GPHN: variants seen among roughly 807,000 people sequenced by gnomAD.
The protein encoded by GPHN is gephyrin.
GPHN carries 17 observed loss-of-function variants against 95.5 expected under a neutral mutation model. The observed-to-expected ratio is 0.18, with a 90% CI of 0.12 to 0.27. The LOEUF (loss-of-function observed/expected upper bound fraction) is 0.27, where lower values mean the gene tolerates loss of function less well. GPHN is among the 10% of genes least tolerant of loss of function. The probability of loss-of-function intolerance (pLI) is 1.00; values close to 1 mark genes in which losing one functional copy is unlikely to be tolerated. For synonymous variants in GPHN, 320 were observed against 322.5 expected, an observed-to-expected ratio of 0.99 and a Z score of 0.08; for missense variants, 660 against 978.1, an observed-to-expected ratio of 0.67 and a Z score of 4.34.
the GPHN span, among the ~76,000 whole-genome samples, chr14:67,596,904 TC>T: frequency 1.3e-5 from 2 of 152,246 alleles, no homozygotes; most frequent in African/African-American, 4.8e-5. Context: ...AAGTCTCTTT[TC>T]CCCTACTGTA....
At chr14:67,504,779 G>A in the GPHN span, among the ~76,000 whole-genome samples, 1 of 152,074 alleles carries the variant, frequency 6.6e-6, no homozygotes, top group Non-Finnish European at 1.5e-5. Flanking sequence ...CAGCTACTCG[G>A]GAGTCTGAGG....
At chr14:67,722,176 G>A in the GPHN span, among the ~76,000 whole-genome samples, 4 of 152,140 alleles carry the variant, frequency 2.6e-5, no homozygotes, top group African/African-American at 7.2e-5. Context: ...TCTTCTGGGA[G>A]TTTCCTTCCC....
chr14:67,170,059 CAA>C (rs547684233), intron 21 of GPHN, among the ~76,000 whole-genome samples: 96 of 152,182 alleles, frequency 6.3e-4, no homozygotes, highest in African/African-American at 1.7e-3. Flanking sequence ...GCCTGGGAAA[CAA>C]GAGCAAAACT....
chr14:66,873,066 C>T (rs2063509563), intron 4 of GPHN, among the ~76,000 whole-genome samples: 1 of 152,192 alleles, frequency 6.6e-6, no homozygotes, highest in African/African-American at 2.4e-5. Flanking sequence ...GCTGCATTTT[C>T]AACTAGGTAC....
At chr14:67,101,275 A>T (rs1157186219) in intron 13 of GPHN, among the ~76,000 whole-genome samples, 1 of 152,072 alleles carries the variant, frequency 6.6e-6, no homozygotes, top group Non-Finnish European at 1.5e-5. Context: ...GGGGAAACTT[A>T]GAAGTAGATT....
chr14:67,091,868 TA>T (rs1338398209), intron 12 of GPHN, among the ~76,000 whole-genome samples: 4 of 151,890 alleles, frequency 2.6e-5, no homozygotes, highest in African/African-American at 9.7e-5. Flanking sequence ...AAAAAAAATC[TA>T]AAATGGTATC....
At chr14:66,897,804 G>T (rs1209587405) in intron 5 of GPHN, among the ~76,000 whole-genome samples, 7 of 152,058 alleles carry the variant, frequency 4.6e-5, no homozygotes, top group African/African-American at 1.7e-4. Context: ...GCGGTATCTA[G>T]GTTCCATGGC....
At chr14:67,128,801 G>A (rs369817118) in intron 17 of GPHN, among the ~76,000 whole-genome samples, 5 of 151,646 alleles carry the variant, frequency 3.3e-5, no homozygotes, top group African/African-American at 7.3e-5. Flanking sequence ...CGGGCGTGGC[G>A]GTGGGCGCTT....
intron 17 of GPHN, among the ~76,000 whole-genome samples, chr14:67,138,747 C>G (rs1175647579): frequency 1.3e-5 from 2 of 151,896 alleles, no homozygotes; most frequent in African/African-American, 4.8e-5. Context: ...TATGGTTAAC[C>G]AAAATCATAG....
At chr14:67,330,234 CTCT>C in the GPHN span, among the ~76,000 whole-genome samples, 1 of 150,932 alleles carries the variant, frequency 6.6e-6, no homozygotes, top group East Asian at 1.9e-4. Flanking sequence ...TCTTTATTGT[CTCT>C]TTTCTATTTA....
At chr14:67,100,047 AT>A (rs1156955913) in intron 12 of GPHN, among the ~76,000 whole-genome samples, 1 of 151,978 alleles carries the variant, frequency 6.6e-6, no homozygotes, top group Non-Finnish European at 1.5e-5. Context: ...TACTGTACAT[AT>A]TTTTTAATAA....
chr14:67,163,308 AAAAT>A (rs1034701996), intron 19 of GPHN, among the ~76,000 whole-genome samples: 17 of 152,036 alleles, frequency 1.1e-4, no homozygotes, highest in African/African-American at 4.1e-4. Context: ...CTTGTCTCAA[AAAAT>A]AAATAAATAA....
the GPHN span, among the ~76,000 whole-genome samples, chr14:67,568,014 AT>A: frequency 6.6e-6 from 1 of 152,198 alleles, no homozygotes; most frequent in Admixed American, 6.5e-5. Flanking sequence ...CAGGACGGGC[AT>A]TCTCCCAGTG....
chr14:67,354,960 T>C, the GPHN span, among the ~76,000 whole-genome samples: 1 of 152,074 alleles, frequency 6.6e-6, no homozygotes, highest in Admixed American at 6.6e-5. Flanking sequence ...ATTACAGGCA[T>C]GCGTCACCAT....
chr14:67,264,755 A>G, the GPHN span, among the ~76,000 whole-genome samples: 3 of 152,318 alleles, frequency 2.0e-5, no homozygotes, highest in African/African-American at 7.2e-5. Context: ...TATGGCCTAG[A>G]ATCATGGGGT....
the GPHN span, among the ~76,000 whole-genome samples, chr14:67,394,937 T>G: frequency 6.6e-6 from 1 of 152,190 alleles, no homozygotes; most frequent in African/African-American, 2.4e-5. Context: ...CTCAGGACTC[T>G]GCAGAGAACT....
intron 1 of GPHN, among the ~76,000 whole-genome samples, chr14:66,609,362 G>A (rs1291203387): frequency 6.6e-6 from 1 of 152,036 alleles, no homozygotes; most frequent in Non-Finnish European, 1.5e-5. Flanking sequence ...CATCTCTCTA[G>A]CTGCCTTTAA....
chr14:67,500,689 A>C, the GPHN span, among the ~76,000 whole-genome samples: 3 of 147,818 alleles, frequency 2.0e-5, no homozygotes, highest in Admixed American at 6.9e-5. Flanking sequence ...CTCCTGTCTC[A>C]GCTTCCCGAG....
chr14:66,845,645 G>C (rs1433221597), intron 4 of GPHN, among the ~76,000 whole-genome samples: 4 of 152,142 alleles, frequency 2.6e-5, no homozygotes, highest in Non-Finnish European at 5.9e-5. Context: ...GTCATGTTTA[G>C]AGGAACCAGC....
Sources: gnomAD v4.1 joint callset for allele counts (sites outside exome capture counted in the v4.1 genomes callset) on GRCh38, gnomAD v4.1.1 for gene constraint, MANE v1.5 for transcripts, NCBI Gene and HGNC (gene_info 2026-07-23, HGNC 2026-07-21) for gene names.